The following TLE3 variants were observed in gnomAD, a reference collection of about 807,000 sequenced individuals.
The protein encoded by TLE3 is transducin-like enhancer protein 3.
TLE3 carries 14 observed loss-of-function variants against 93.0 expected under a neutral mutation model. That is an observed-to-expected ratio of 0.15 (90% CI 0.10 to 0.24). The LOEUF (loss-of-function observed/expected upper bound fraction) is 0.24, where lower values mean the gene tolerates loss of function less well. TLE3 is among the 10% of genes least tolerant of loss of function. The pLI is 1.00. For synonymous variants in TLE3, 451 were observed against 425.0 expected, an observed-to-expected ratio of 1.06 and a Z score of -0.75; for missense variants, 693 against 1,046.6, an observed-to-expected ratio of 0.66 and a Z score of 4.66.
At chr15:70,095,992 G>T in intron 2 of TLE3, 169 bp downstream of exon 2, 1 of 846,574 alleles carries the variant, frequency 1.2e-6, no homozygotes, top group East Asian at 2.7e-5. Flanking sequence ...GCTGCGGGCA[G>T]TAAAGGGTTA....
At chr15:70,092,175 G>A (rs1227189418) in intron 4 of TLE3, among the ~76,000 whole-genome samples, 1 of 152,106 alleles carries the variant, frequency 6.6e-6, no homozygotes, top group Non-Finnish European at 1.5e-5. Context: ...ACCACCATTC[G>A]CCAAATGCAC....
Position 70,054,641 on chromosome 15 carries a change from C to A in TLE3, c.1623G>T (p.Gly541=), listed in dbSNP as rs746679062. The part of the protein sequence containing the change: ...YIRSCKLLPD[G]RTLIVGGEAS... The stretch of plus-strand genomic sequence containing the variant: ...CCTCGCCGCCCACGATGAGCGTGCG[C>A]CCATCAGGGAGCAGCTTGCAGGAGC... Residue 541 remains glycine (G), a synonymous_variant, in exon 16 of 20, where the codon GGG becomes GGT. Coordinates refer to ENST00000451782, the MANE Select transcript of TLE3 (RefSeq NM_001105192.3). 1.2e-6 allele frequency: 2 copies of A among 1,608,138 alleles called. No homozygotes were observed. Among genetic ancestry groups the A allele is most frequent in the Non-Finnish European group, 1.7e-6 (2 of 1,175,868 alleles).
At position 70,055,204 on chromosome 15, in the gene TLE3, G is replaced by C; in HGVS notation, c.1423C>G (p.Arg475Gly). 6.2e-7 allele frequency: 1 copy of C among 1,613,890 alleles called. No individual in the cohort carries two copies. Among genetic ancestry groups the C allele is most frequent in the Non-Finnish European group, 8.5e-7 (1 of 1,179,954 alleles). Residue 475 changes from arginine to glycine, a missense_variant, in exon 15 of 20, where the codon CGG (arginine) becomes GGG (glycine). Physicochemically the swap from Arg to Gly is moderately radical, Grantham distance 125. Coordinates refer to ENST00000451782, the MANE Select transcript of TLE3 (RefSeq NM_001105192.3). ...CCGTGGCTGAGTGTGTTGATCTGCC[G>C]GGCGTGCCTCGGGATGCCGGGGCCT... ...LAGPGIPRHA[R>G]QINTLSHGEV...
chr15:70,092,125 G>A (rs17759504), intron 4 of TLE3, among the ~76,000 whole-genome samples: 2,305 of 152,312 alleles, frequency 0.015, 37 homozygotes, highest in South Asian at 0.058. Context: ...CCAGTCAACC[G>A]CTAAACAGGT....
intron 4 of TLE3, among the ~76,000 whole-genome samples, chr15:70,078,376 T>C (rs2057558351): frequency 6.6e-6 from 1 of 151,960 alleles, no homozygotes; most frequent in South Asian, 2.1e-4. Flanking sequence ...AATAGAAAGA[T>C]ATGTAAAAAA....
intron 4 of TLE3, among the ~76,000 whole-genome samples, chr15:70,081,397 T>C (rs567182570): frequency 2.6e-4 from 40 of 152,386 alleles, no homozygotes; most frequent in African/African-American, 9.1e-4. Context: ...GCTGGGCAGC[T>C]GGCTGACCTG....
chr15:70,050,095 G>A lies in TLE3; in HGVS notation c.*2C>T, dbSNP rs1186298917. 1.2e-6 allele frequency: 2 copies of A among 1,612,008 alleles called. No individual in the cohort carries two copies. Among genetic ancestry groups the A allele is most frequent in the African/African-American group, 2.7e-5 (2 of 74,896 alleles). Reference sequence around the variant, plus strand: ...GTTTGACAGCCCTGCTGGAGTTCTTGTTTAGTAGATGACCTCATAAACTGT... The same window carrying A: ...GTTTGACAGCCCTGCTGGAGTTCTTATTTAGTAGATGACCTCATAAACTGT... On this transcript the variant is annotated 3_prime_UTR_variant, in exon 20 of 20. Transcript: ENST00000451782.
At chr15:70,059,573 C>T (rs1566997064) in intron 9 of TLE3, 113 bp from the exon 10 acceptor site, 2 of 988,682 alleles carry the variant, frequency 2.0e-6, no homozygotes, top group East Asian at 2.7e-5. Flanking sequence ...CCAGGCCAAA[C>T]CCCAAAGTCC....
At position 70,057,616 on chromosome 15, in the gene TLE3, G is replaced by A. The variant is rs1383797911; in HGVS notation, c.1094C>T (p.Ala365Val). 5 of 1,588,848 alleles carry A rather than the reference G, an allele frequency of 3.1e-6. No individual in the cohort carries two copies. Among genetic ancestry groups the A allele is most frequent in the Non-Finnish European group, 4.3e-6 (5 of 1,170,430 alleles). The change falls in exon 13 of 20, where the codon GCG becomes GTG. Residue 365 changes from alanine to valine, a missense_variant. Coordinates refer to ENST00000451782, the MANE Select transcript of TLE3 (RefSeq NM_001105192.3). ...GTGGCTCATCATGGCGAAGGGCGCC[G>A]CATAGGAGCTGGTGATGGAGATGGG... ...RTPISITSSY[A>V]APFAMMSHHE... is the part of the protein sequence containing the mutation.
chr15:70,067,277 T>C (rs968491560), intron 6 of TLE3, among the ~76,000 whole-genome samples: 1 of 152,228 alleles, frequency 6.6e-6, no homozygotes, highest in Admixed American at 6.5e-5. Context: ...AAGTTAGGTA[T>C]GCTGGTATCC....
rs946269342 is a variant in TLE3, at chr15:70,048,889, C to G, written c.*1208G>C. 1 of 152,082 alleles carries G rather than the reference C, an allele frequency of 6.6e-6. No individual in the cohort carries two copies. Among genetic ancestry groups the G allele is most frequent in the African/African-American group, 2.4e-5 (1 of 41,394 alleles). 9.4% of individuals were successfully genotyped at this position (152,082 alleles called of 1,614,324 possible). A position where few individuals can be genotyped will look rare whatever the true frequency, so the allele number is the denominator to read the frequency against. On this transcript the variant is annotated 3_prime_UTR_variant, in exon 20 of 20. Transcript: ENST00000451782. Reference sequence around the variant, plus strand: ...GGGATCCTCTTTTCAGACTCACAACCCTGTAGGTTTATACACTTTCCCCCC... The same window carrying G: ...GGGATCCTCTTTTCAGACTCACAACGCTGTAGGTTTATACACTTTCCCCCC...
Position 70,065,067 on chromosome 15 carries a change from C to T in TLE3, c.578-597G>A, listed in dbSNP as rs111715365. Among the ~76,000 whole-genome samples, 108 of 152,324 alleles carry T rather than the reference C, an allele frequency of 7.1e-4. 1 individual carries two copies. The highest frequency in any genetic ancestry group is 2.4e-3 in the African/African-American group (100 of 41,582). ...AGTTCTCCTGTCTGCTATGGAGAGGCCCCTCTTCCTCTGCCAAAAGGACCA... is the reference window on the plus strand; with the variant it reads ...AGTTCTCCTGTCTGCTATGGAGAGGTCCCTCTTCCTCTGCCAAAAGGACCA... On this transcript the variant is annotated intron_variant, in intron 7 of 19. Coordinates refer to ENST00000451782, the MANE Select transcript of TLE3 (RefSeq NM_001105192.3).
intron 1 of TLE3, 93 bp downstream of exon 1, chr15:70,096,682 A>T (rs1265902122): frequency 6.4e-7 from 1 of 1,567,782 alleles, no homozygotes; most frequent in East Asian, 2.4e-5. Flanking sequence ...CACACCATAA[A>T]GGTAGCAACA....
Position 70,052,503 on chromosome 15 carries a change from G to A in TLE3, c.1996C>T (p.Pro666Ser), listed in dbSNP as rs768788722. ...CCCACAGCCAGCCACTCCCCAGTGG[G>A]GCAGTAGCCCAGCGAGAAGATCTGC... is the stretch of plus-strand genomic sequence containing the variant. The part of the protein sequence containing the change: ...TSQIFSLGYC[P>S]TGEWLAVGME... The change falls in exon 18 of 20, where the codon CCC (proline) becomes TCC (serine). Residue 666 changes from proline (P) to serine (S), a missense_variant. Transcript: ENST00000451782. 1.2e-6 allele frequency: 2 copies of A among 1,613,664 alleles called. No individual in the cohort carries two copies. The highest frequency in any genetic ancestry group is 1.7e-6 in the Non-Finnish European group (2 of 1,179,896).
At chr15:70,071,872 C>T (rs942041950) in intron 6 of TLE3, among the ~76,000 whole-genome samples, 10 of 152,184 alleles carry the variant, frequency 6.6e-5, no homozygotes, top group African/African-American at 2.4e-4. Context: ...TATCCTTCTT[C>T]ACCTTGCTTC....
At chr15:70,062,526 G>A (rs2056559719) in intron 8 of TLE3, among the ~76,000 whole-genome samples, 1 of 152,218 alleles carries the variant, frequency 6.6e-6, no homozygotes, top group African/African-American at 2.4e-5. Context: ...TAGCGGCATC[G>A]ATCCAGCCCG....
intron 6 of TLE3, among the ~76,000 whole-genome samples, chr15:70,072,802 C>T (rs899038778): frequency 2.6e-5 from 4 of 152,206 alleles, no homozygotes; most frequent in African/African-American, 9.6e-5. Context: ...TCCCACAATG[C>T]ACAGGATGGC....
At chr15:70,077,052 T>C (rs2057482877) in intron 4 of TLE3, among the ~76,000 whole-genome samples, 1 of 152,194 alleles carries the variant, frequency 6.6e-6, no homozygotes, top group Non-Finnish European at 1.5e-5. Context: ...CATTGCCTTG[T>C]CTAAGAAGCT....
intron 8 of TLE3, chr15:70,060,851 G>C: frequency 1.3e-6 from 1 of 748,976 alleles, no homozygotes; most frequent in Non-Finnish European, 2.2e-6. Flanking sequence ...TCCCCGGGGA[G>C]ATGCCCTGGG....
Sources: gnomAD v4.1 joint callset for allele counts (sites outside exome capture counted in the v4.1 genomes callset) on GRCh38, gnomAD v4.1.1 for gene constraint, MANE v1.5 for transcripts, NCBI Gene and HGNC (gene_info 2026-07-23, HGNC 2026-07-21) for gene names.